SCHIP1: variants seen among roughly 807,000 people sequenced by gnomAD.
The protein encoded by SCHIP1 is schwannomin interacting protein 1.
A neutral mutation model predicts 29.7 loss-of-function variants in SCHIP1; 8 were observed. The ratio of observed to expected loss-of-function variants is 0.27; its 90% CI spans 0.16 to 0.49. SCHIP1 has a LOEUF of 0.49. Ranked by LOEUF, SCHIP1 falls within the 20% of genes least tolerant of loss-of-function variation. SCHIP1 has a pLI of 0.99. For synonymous variants in SCHIP1, 76 were observed against 94.9 expected, an observed-to-expected ratio of 0.80 and a Z score of 1.16; for missense variants, 193 against 294.6, an observed-to-expected ratio of 0.66 and a Z score of 2.52.
At chr3:159,364,253 A>G in the SCHIP1 span, among the ~76,000 whole-genome samples, 1 of 152,228 alleles carries the variant, frequency 6.6e-6, no homozygotes, top group Non-Finnish European at 1.5e-5. Context: ...GCCAATAAAA[A>G]TAATATATGA....
chr3:159,676,719 C>T, the SCHIP1 span, among the ~76,000 whole-genome samples: 2 of 152,114 alleles, frequency 1.3e-5, no homozygotes, highest in African/African-American at 2.4e-5. Flanking sequence ...GAGTAGTCTA[C>T]GACTGAGCAG....
the SCHIP1 span, among the ~76,000 whole-genome samples, chr3:159,523,622 T>C: frequency 6.6e-6 from 1 of 152,292 alleles, no homozygotes; most frequent in East Asian, 1.9e-4. Flanking sequence ...TTAGCAACAG[T>C]GTGATTACTC....
intron 4 of SCHIP1, chr3:159,888,459 G>A (rs1717170556): frequency 4.7e-6 from 1 of 213,168 alleles, no homozygotes; most frequent in Non-Finnish European, 9.4e-6. Context: ...ACATAGCACA[G>A]TGCTTGTAGC....
chr3:159,363,534 C>T, the SCHIP1 span, among the ~76,000 whole-genome samples: 20 of 152,292 alleles, frequency 1.3e-4, no homozygotes, highest in East Asian at 3.9e-3. Context: ...CCCCACCAGA[C>T]AGATAGACAT....
chr3:159,421,618 C>A, the SCHIP1 span, among the ~76,000 whole-genome samples: 1 of 152,094 alleles, frequency 6.6e-6, no homozygotes, highest in Non-Finnish European at 1.5e-5. Context: ...TGACAAATAG[C>A]CTGGATGGTG....
intron 1 of SCHIP1, among the ~76,000 whole-genome samples, chr3:159,840,410 C>A (rs1198310715): frequency 6.6e-6 from 1 of 152,128 alleles, no homozygotes; most frequent in African/African-American, 2.4e-5. Flanking sequence ...GCTTCCTTGG[C>A]CTTTAAAGCA....
chr3:159,760,001 T>C, the SCHIP1 span, among the ~76,000 whole-genome samples: 1 of 146,814 alleles, frequency 6.8e-6, no homozygotes, highest in Non-Finnish European at 1.5e-5. Flanking sequence ...CTTTAAGTAT[T>C]AATCTAGACA....
chr3:159,784,193 G>A, the SCHIP1 span, among the ~76,000 whole-genome samples: 3 of 152,352 alleles, frequency 2.0e-5, no homozygotes, highest in African/African-American at 7.2e-5. Flanking sequence ...AAAAGCTGTT[G>A]AATGTCAAAT....
the SCHIP1 span, among the ~76,000 whole-genome samples, chr3:159,609,263 G>A: frequency 6.6e-6 from 1 of 152,142 alleles, no homozygotes; most frequent in African/African-American, 2.4e-5. Flanking sequence ...TAGGGGGGAA[G>A]CACACGTGTG....
chr3:159,348,437 C>T, the SCHIP1 span, among the ~76,000 whole-genome samples: 1 of 152,066 alleles, frequency 6.6e-6, no homozygotes, highest in African/African-American at 2.4e-5. Flanking sequence ...TGGCTCATTA[C>T]TTTACCAAAA....
chr3:159,714,797 C>G, the SCHIP1 span, among the ~76,000 whole-genome samples: 1 of 152,222 alleles, frequency 6.6e-6, no homozygotes, highest in Admixed American at 6.5e-5. Flanking sequence ...CCACCTGCCT[C>G]TGTAGACTCC....
At chr3:159,492,454 G>A in the SCHIP1 span, among the ~76,000 whole-genome samples, 1 of 152,168 alleles carries the variant, frequency 6.6e-6, no homozygotes, top group Non-Finnish European at 1.5e-5. Flanking sequence ...CGTGACGAAT[G>A]CACAAGCCTC....
chr3:159,318,220 C>T, the SCHIP1 span, among the ~76,000 whole-genome samples: 6 of 152,312 alleles, frequency 3.9e-5, no homozygotes, highest in African/African-American at 1.4e-4. Context: ...CCACTGAGGT[C>T]ACCTGCTGAT....
At chr3:159,411,248 T>C in the SCHIP1 span, among the ~76,000 whole-genome samples, 1 of 152,134 alleles carries the variant, frequency 6.6e-6, no homozygotes, top group Non-Finnish European at 1.5e-5. Context: ...AACAATAATT[T>C]GTTGGACATT....
At chr3:159,342,577 A>G in the SCHIP1 span, among the ~76,000 whole-genome samples, 1 of 152,206 alleles carries the variant, frequency 6.6e-6, no homozygotes, top group Admixed American at 6.5e-5. Context: ...ATAACATTTA[A>G]TGCAACCAGA....
chr3:159,744,661 C>T, the SCHIP1 span, among the ~76,000 whole-genome samples: 5 of 152,208 alleles, frequency 3.3e-5, no homozygotes, highest in Non-Finnish European at 7.3e-5. Flanking sequence ...AACCATTGGA[C>T]AGAAGCCTGT....
chr3:159,854,230 G>A (rs1713042644), intron 1 of SCHIP1, among the ~76,000 whole-genome samples: 1 of 152,178 alleles, frequency 6.6e-6, no homozygotes, highest in African/African-American at 2.4e-5. Flanking sequence ...GTTAATGATA[G>A]AACAGTAAAA....
the SCHIP1 span, among the ~76,000 whole-genome samples, chr3:159,558,293 T>G: frequency 1.3e-5 from 2 of 152,230 alleles, no homozygotes; most frequent in Non-Finnish European, 2.9e-5. Flanking sequence ...CTTAAACTTT[T>G]GTAGCTTTTT....
At chr3:159,869,247 G>A (rs1181917793) in intron 2 of SCHIP1, among the ~76,000 whole-genome samples, 4 of 151,826 alleles carry the variant, frequency 2.6e-5, no homozygotes, top group Non-Finnish European at 5.9e-5. Flanking sequence ...TTTATAGGTT[G>A]ATTTTATACT....
Sources: allele counts gnomAD v4.1 joint callset (sites outside exome capture counted in the v4.1 genomes callset), GRCh38; gene constraint gnomAD v4.1.1; transcripts MANE v1.5; gene names NCBI Gene and HGNC (gene_info 2026-07-23, HGNC 2026-07-21).